Variants in FBLIM1 observed in about 807,000 individuals in gnomAD.
The protein encoded by FBLIM1 is filamin binding LIM protein 1, also known as filamin-binding LIM protein 1.
In FBLIM1, 29 loss-of-function variants were observed where a neutral mutation model predicts 37.4. The observed-to-expected ratio is 0.77, with a 90% CI of 0.58 to 1.06. FBLIM1 has a LOEUF of 1.06. Ranked by LOEUF, FBLIM1 falls within the 50% of genes least tolerant of loss-of-function variation. FBLIM1 has a pLI of 0.00. For synonymous variants in FBLIM1, 193 were observed against 199.0 expected (o/e 0.97, Z 0.25); for missense variants, 449 against 505.6 (o/e 0.89, Z 1.07).
chr1:15,766,863 G>C (rs113886456), intron 3 of FBLIM1, among the ~76,000 whole-genome samples: 1 of 149,342 alleles, frequency 6.7e-6, no homozygotes, highest in African/African-American at 2.5e-5. Context: ...AAAGTGCTGG[G>C]ATTACAGGTG....
At chr1:15,784,516 G>A (rs1476098025) in intron 8 of FBLIM1, 32 bp from the exon 9 acceptor site, 2 of 1,592,294 alleles carry the variant, frequency 1.3e-6, no homozygotes, top group African/African-American at 2.7e-5. Flanking sequence ...CCCAGGCCCA[G>A]GGCGGGTCAG....
chr1:15,776,923 G>A, intron 7 of FBLIM1: 2 of 400,956 alleles, frequency 5.0e-6, no homozygotes, highest in Admixed American at 3.8e-5. Context: ...CAGATGAGAT[G>A]GGTCCCAGCC....
intron 8 of FBLIM1, among the ~76,000 whole-genome samples, chr1:15,779,770 T>C (rs2069589844): frequency 6.6e-6 from 1 of 152,192 alleles, no homozygotes; most frequent in Non-Finnish European, 1.5e-5. Flanking sequence ...GCTGGTGCAG[T>C]TGTCCCAGGA....
At chr1:15,771,094 C>T (rs1347647227) in intron 6 of FBLIM1, among the ~76,000 whole-genome samples, 5 of 152,022 alleles carry the variant, frequency 3.3e-5, no homozygotes, top group African/African-American at 1.2e-4. Context: ...CACCTGACAC[C>T]ACACCCGGCT....
At position 15,770,538 on chromosome 1, in the gene FBLIM1, A is replaced by T. The variant is rs2148564982; in HGVS notation, c.671A>T (p.Tyr224Phe). Residue 224 changes from tyrosine (Y) to phenylalanine (F), a missense_variant, in exon 6 of 9, where the codon TAC (tyrosine) becomes TTC (phenylalanine). Transcript: ENST00000375766. ...CRRQLAGQSF[Y>F]QKDGRPLCEP... ...CGCCAGCTGGCTGGGCAGAGCTTCT[A>T]CCAGAAGGATGGGCGACCCCTCTGC... 2 of 1,613,802 alleles carry T rather than the reference A, an allele frequency of 1.2e-6. No individual in the cohort carries two copies. The highest frequency in any genetic ancestry group is 1.7e-6 in the Non-Finnish European group (2 of 1,180,006).
intron 1 of FBLIM1, among the ~76,000 whole-genome samples, chr1:15,762,442 T>C (rs1010262636): frequency 6.6e-6 from 1 of 152,076 alleles, no homozygotes; most frequent in African/African-American, 2.4e-5. Context: ...TTTGTATTTT[T>C]AGTAGAGACA....
At chr1:15,763,073 CTT>C (rs71572174) in intron 1 of FBLIM1, among the ~76,000 whole-genome samples, 14 of 143,418 alleles carry the variant, frequency 9.8e-5, no homozygotes, top group Middle Eastern at 3.7e-3. Context: ...TACTTTTTTT[CTT>C]TTTTTTTTTT....
At position 15,770,526 on chromosome 1, in the gene FBLIM1, G is replaced by C. The variant is rs2069151643; in HGVS notation, c.659G>C (p.Gly220Ala). 1 of 1,613,754 alleles carries C rather than the reference G, an allele frequency of 6.2e-7. No individual in the cohort carries two copies. The highest frequency in any genetic ancestry group is 1.3e-5 in the African/African-American group (1 of 74,868). Residue 220 changes from glycine to alanine, a missense_variant, in exon 6 of 9, where the codon GGG becomes GCG. Gly to Ala is a moderately conservative substitution (Grantham distance 60, BLOSUM62 0). Coordinates refer to ENST00000375766, the MANE Select transcript of FBLIM1 (RefSeq NM_017556.4). ...CGCACCTGCCGCCGCCAGCTGGCTGGGCAGAGCTTCTACCAGAAGGATGGG... is the reference window on the plus strand; with the variant it reads ...CGCACCTGCCGCCGCCAGCTGGCTGCGCAGAGCTTCTACCAGAAGGATGGG... ...TCRTCRRQLAGQSFYQKDGRP... is the reference protein window; with the variant it reads ...TCRTCRRQLAAQSFYQKDGRP...
Position 15,774,653 on chromosome 1 carries a change from G to T in FBLIM1, c.747G>T (p.Val249=). ...AGAGGTGCGGCAAGTGTGGCGAGGT[G>T]GTCCGGGACCACATCATCAGGGCCC... The part of the protein sequence containing the change: ...TLERCGKCGE[V]VRDHIIRALG... The change falls in exon 7 of 9, where the codon GTG becomes GTT. Residue 249 remains valine, a synonymous_variant. Coordinates refer to ENST00000375766, the MANE Select transcript of FBLIM1 (RefSeq NM_017556.4). The T allele has an allele frequency of 6.2e-6, 10 of 1,613,986 alleles. No homozygotes were observed. Among genetic ancestry groups the T allele is most frequent in the Non-Finnish European group, 8.5e-6 (10 of 1,179,996 alleles).
chr1:15,769,189 G>A (rs1229625878), intron 5 of FBLIM1, among the ~76,000 whole-genome samples: 2 of 152,166 alleles, frequency 1.3e-5, no homozygotes, highest in Non-Finnish European at 2.9e-5. Flanking sequence ...ATATAAAGTG[G>A]CTCCTGGCTG....
At chr1:15,776,673 A>G (rs1352556360) in intron 7 of FBLIM1, among the ~76,000 whole-genome samples, 2 of 71,318 alleles carry the variant, frequency 2.8e-5, no homozygotes, top group Admixed American at 1.7e-4. Context: ...GACCAGCCTG[A>G]CCAACATGGT....
rs760046455 is a variant in FBLIM1 at position 15,777,254 on chromosome 1, A to G, written c.975A>G (p.Gly325=). The G allele has an allele frequency of 6.2e-7, 1 of 1,613,308 alleles. No individual in the cohort carries two copies. Among genetic ancestry groups the G allele is most frequent in the South Asian group, 1.1e-5 (1 of 91,040 alleles). ...ATGCCTTCAAAATCGAATGCATGGGAAGAAACTTCCATGAAAATTGCTACA... is the reference window on the plus strand; with the variant it reads ...ATGCCTTCAAAATCGAATGCATGGGGAGAAACTTCCATGAAAATTGCTACA... ...GKDAFKIECM[G]RNFHENCYRC... Residue 325 remains glycine (G), a synonymous_variant, in exon 8 of 9, where the codon GGA becomes GGG. Transcript: ENST00000375766.
chr1:15,784,645 C>G lies in FBLIM1; in HGVS notation c.1106C>G (p.Ala369Gly). The G allele has an allele frequency of 6.2e-7, 1 of 1,614,082 alleles. No homozygotes were observed. The highest frequency in any genetic ancestry group is 1.1e-5 in the South Asian group (1 of 91,080). Residue 369 changes from alanine to glycine, a missense_variant, in exon 9 of 9, where the codon GCT (alanine) becomes GGT (glycine). Physicochemically the swap from Ala to Gly is moderately conservative, Grantham distance 60 (BLOSUM62 0). Coordinates refer to ENST00000375766, the MANE Select transcript of FBLIM1 (RefSeq NM_017556.4). ...FCKPCHVKRS[A>G]AGCC ...AAGCCATGCCATGTGAAGCGGAGTG[C>G]TGCGGGGTGCTGCTGAGAGTGCCCG... is the stretch of plus-strand genomic sequence containing the variant.
At position 15,777,835 on chromosome 1, in the gene FBLIM1, A is replaced by G. The variant is rs1404094589; in HGVS notation, c.1008+548A>G. On this transcript the variant is annotated intron_variant, in intron 8 of 8. Transcript: ENST00000375766. ...TGATCCGCCCACTTCCACCTCCCAAAGTGCTGGGATTACAGGCATGAGCAA... is the reference window on the plus strand; with the variant it reads ...TGATCCGCCCACTTCCACCTCCCAAGGTGCTGGGATTACAGGCATGAGCAA... 2.6e-5 allele frequency among the ~76,000 whole-genome samples: 4 copies of G among 151,954 alleles called. No homozygotes were observed. In the East Asian group the frequency reaches 7.7e-4, roughly 29 times the overall value.
chr1:15,768,499 TG>T, intron 4 of FBLIM1, 28 bp from the exon 5 acceptor site: 1 of 1,469,042 alleles, frequency 6.8e-7, no homozygotes, highest in South Asian at 1.4e-5. Context: ...GGGGTCCCAC[TG>T]GATGACTCCC....
In FBLIM1 at chr1:15,765,127, C is replaced by G. The variant is rs770117765; in HGVS notation, c.144C>G (p.Pro48=). 3 of 1,613,778 alleles carry G rather than the reference C, an allele frequency of 1.9e-6. No homozygotes were observed. The highest frequency in any genetic ancestry group is 2.2e-5 in the East Asian group (1 of 44,868). The change falls in exon 3 of 9, where the codon CCC becomes CCG. Residue 48 remains proline, a synonymous_variant. Coordinates refer to ENST00000375766, the MANE Select transcript of FBLIM1 (RefSeq NM_017556.4). The surrounding 1 kb of genome is among the most constrained non-coding windows in gnomAD (Gnocchi z 5.9). ...GCCGCCCCTGGGAGGCTCCTGCCCC[C>G]ATGAAGACACCCGAGGCTGGCTTGG... ...RRGRPWEAPA[P]MKTPEAGLAG...
Position 15,786,267 on chromosome 1 carries a change from C to A in FBLIM1, c.*1606C>A, listed in dbSNP as rs1414564033. The A allele has an allele frequency of 6.6e-6, 1 of 152,264 alleles. No homozygotes were observed. The highest frequency in any genetic ancestry group is 1.9e-4 in the East Asian group (1 of 5,182). 9.4% of individuals were successfully genotyped at this position (152,264 alleles called of 1,614,324 possible). ...ATGTGCTTCCCTCCCTGGGGTCTCACACGCTCCCACGAGAATGCCACAGGG... is the reference window on the plus strand; with the variant it reads ...ATGTGCTTCCCTCCCTGGGGTCTCAAACGCTCCCACGAGAATGCCACAGGG... On this transcript the variant is annotated 3_prime_UTR_variant, in exon 9 of 9. Coordinates refer to ENST00000375766, the MANE Select transcript of FBLIM1 (RefSeq NM_017556.4).
At chr1:15,758,016 G>A (rs1057391145), upstream of FBLIM1, 2 of 152,228 alleles carry the variant, frequency 1.3e-5, no homozygotes, top group Non-Finnish European at 1.5e-5. This position sits in a 1 kb window ranked among gnomAD's most constrained non-coding sequence, Gnocchi z 6.2. Context: ...ACCTGCAGAG[G>A]GCTTACCGCT....
At chr1:15,773,604 C>T (rs534758822) in intron 6 of FBLIM1, among the ~76,000 whole-genome samples, 9 of 149,162 alleles carry the variant, frequency 6.0e-5, no homozygotes, top group Admixed American at 1.3e-4. Flanking sequence ...TGCTTTAACC[C>T]GGGAAACGAG....
Sources: gnomAD v4.1 joint callset for allele counts (sites outside exome capture counted in the v4.1 genomes callset) on GRCh38, gnomAD v4.1.1 for gene constraint, Gnocchi (gnomAD v3.1) non-coding constraint, MANE v1.5 for transcripts, NCBI Gene and HGNC (gene_info 2026-07-23, HGNC 2026-07-21) for gene names.